PTPRT: variants seen among roughly 807,000 people sequenced by gnomAD.
PTPRT encodes protein tyrosine phosphatase receptor type T, also known as receptor-type tyrosine-protein phosphatase T.
Under a neutral mutation model 176.8 loss-of-function variants are expected in PTPRT, and 56 were observed. That is an observed-to-expected ratio of 0.32 (90% CI 0.26 to 0.40). The LOEUF (loss-of-function observed/expected upper bound fraction) is 0.40, where lower values mean the gene tolerates loss of function less well. PTPRT is among the 10% of genes least tolerant of loss of function. The pLI is 1.00. For missense variants in PTPRT, 1,540 were observed against 1,908.2 expected (o/e 0.81, Z 3.60); for synonymous variants, 783 against 739.0 (o/e 1.06, Z -0.96).
At chr20:42,085,940 T>TC (rs1254156023) in intron 27 of PTPRT, 87 bp from the exon 28 acceptor site, 29 of 1,421,210 alleles carry the variant, frequency 2.0e-5, no homozygotes, top group African/African-American at 1.5e-5. Flanking sequence ...TTTCTTTTCT[T>TC]TTTTTCTTTT....
At chr20:42,816,173 A>G (rs2077781227) in intron 2 of PTPRT, among the ~76,000 whole-genome samples, 1 of 152,160 alleles carries the variant, frequency 6.6e-6, no homozygotes, top group African/African-American at 2.4e-5. Context: ...GTGGCTCTGG[A>G]AGTGAGTAAG....
chr20:42,143,465 G>A lies in PTPRT; in HGVS notation c.2683-1463C>T, dbSNP rs911134719. Among the ~76,000 whole-genome samples the A allele has an allele frequency of 4.7e-4, 71 of 151,768 alleles. 1 individual carries two copies. The highest frequency in any genetic ancestry group is 1.5e-3 in the African/African-American group (61 of 41,274). ...CTAGCTACTTGGGAGGCTGAGGCAG[G>A]AGAATGGCGTGAACCCGGGAAGCGG... is the stretch of plus-strand genomic sequence containing the variant. On this transcript the variant is annotated intron_variant, in intron 17 of 30. Transcript: ENST00000373187.
intron 1 of PTPRT, among the ~76,000 whole-genome samples, chr20:43,005,024 G>A (rs1003674188): frequency 6.6e-6 from 1 of 152,096 alleles, no homozygotes; most frequent in African/African-American, 2.4e-5. Context: ...TCTGATAGCT[G>A]AGGCTGACCG....
At chr20:42,894,818 G>A (rs1416961150) in intron 1 of PTPRT, among the ~76,000 whole-genome samples, 2 of 152,194 alleles carry the variant, frequency 1.3e-5, no homozygotes, top group Non-Finnish European at 2.9e-5. Context: ...TAGGGGGTAG[G>A]CTCTGCCCCT....
At chr20:42,575,133 G>A (rs1259549704) in intron 7 of PTPRT, among the ~76,000 whole-genome samples, 3 of 152,264 alleles carry the variant, frequency 2.0e-5, no homozygotes, top group African/African-American at 4.8e-5. Context: ...GACTGCATCC[G>A]GTTCTGGAGT....
Position 43,078,674 on chromosome 20 carries a change from A to G in PTPRT, c.88+110972T>C, listed in dbSNP as rs552423426. The stretch of plus-strand genomic sequence containing the variant: ...CAAACGCTTTCCACTTAGAGATGAT[A>G]AATACAACATGCCATGGCAGCATAC... On this transcript the variant is annotated intron_variant, in intron 1 of 30. Transcript: ENST00000373187. 1.7e-4 allele frequency among the ~76,000 whole-genome samples: 26 copies of G among 152,344 alleles called. No homozygotes were observed. The South Asian group carries it at 4.6e-3, about 27-fold the overall frequency.
chr20:42,216,074 T>C (rs2055763169), intron 15 of PTPRT, among the ~76,000 whole-genome samples: 1 of 152,072 alleles, frequency 6.6e-6, no homozygotes, highest in African/African-American at 2.4e-5. Flanking sequence ...TGAGGCTTTA[T>C]GGCTATTTCC....
chr20:42,680,344 TC>T (rs1300270827), intron 6 of PTPRT, among the ~76,000 whole-genome samples: 1 of 152,236 alleles, frequency 6.6e-6, no homozygotes, highest in Non-Finnish European at 1.5e-5. Context: ...TAGATGCTTT[TC>T]TTTACAAAGC....
At chr20:42,833,240 C>A (rs555353875) in intron 2 of PTPRT, among the ~76,000 whole-genome samples, 31 of 148,684 alleles carry the variant, frequency 2.1e-4, no homozygotes, top group Non-Finnish European at 4.6e-4. Context: ...AACCTAAAGT[C>A]ATTATGAAAC....
At chr20:42,948,047 A>AGGG (rs1600584278) in intron 1 of PTPRT, among the ~76,000 whole-genome samples, 1 of 152,276 alleles carries the variant, frequency 6.6e-6, no homozygotes, top group East Asian at 1.9e-4. Flanking sequence ...GGTATTTCCA[A>AGGG]TGCTGACCAC....
intron 6 of PTPRT, among the ~76,000 whole-genome samples, chr20:42,702,921 C>T (rs374238071): frequency 6.6e-6 from 1 of 152,178 alleles, no homozygotes; most frequent in African/African-American, 2.4e-5. Flanking sequence ...TCTGGTTAAG[C>T]ACCTTCGCAA....
At chr20:42,252,723 C>T (rs1008838060) in intron 13 of PTPRT, among the ~76,000 whole-genome samples, 5 of 152,132 alleles carry the variant, frequency 3.3e-5, no homozygotes, top group African/African-American at 4.8e-5. Flanking sequence ...GCTTCAGCAA[C>T]GACCATAAAC....
At chr20:42,117,017 A>C (rs992833158) in intron 21 of PTPRT, among the ~76,000 whole-genome samples, 1 of 152,170 alleles carries the variant, frequency 6.6e-6, no homozygotes, top group African/African-American at 2.4e-5. Flanking sequence ...GAGTGACCAC[A>C]AGCACTGGAA....
intron 7 of PTPRT, among the ~76,000 whole-genome samples, chr20:42,643,023 A>C (rs2074798145): frequency 6.6e-6 from 1 of 152,154 alleles, no homozygotes; most frequent in South Asian, 2.1e-4. Flanking sequence ...AGGCTAGCTT[A>C]TTGAATGTCA....
intron 11 of PTPRT, among the ~76,000 whole-genome samples, chr20:42,335,562 T>C (rs546487093): frequency 1.0e-3 from 159 of 152,134 alleles, no homozygotes; most frequent in Non-Finnish European, 1.8e-3. Flanking sequence ...AAGAAGTGAA[T>C]GTTATAAGAA....
chr20:42,238,406 G>A (rs73120459), intron 14 of PTPRT, among the ~76,000 whole-genome samples: 5 of 152,314 alleles, frequency 3.3e-5, no homozygotes, highest in Non-Finnish European at 7.4e-5. Flanking sequence ...CCTAGATGAT[G>A]AGAAGGTGAA....
chr20:42,607,358 T>C (rs923035445), intron 7 of PTPRT: 1 of 152,182 alleles, frequency 6.6e-6, no homozygotes, highest in South Asian at 2.1e-4. Flanking sequence ...ACCTGTATTT[T>C]ACCACAATTT....
chr20:42,324,662 A>G (rs1476859159), intron 11 of PTPRT, among the ~76,000 whole-genome samples: 1 of 152,224 alleles, frequency 6.6e-6, no homozygotes, highest in Non-Finnish European at 1.5e-5. Context: ...ATAGGATAAG[A>G]TGGGCTAAGA....
chr20:42,709,003 G>A (rs2076102941), intron 6 of PTPRT, among the ~76,000 whole-genome samples: 1 of 152,240 alleles, frequency 6.6e-6, no homozygotes, highest in Non-Finnish European at 1.5e-5. Context: ...CCAGGTGGAG[G>A]TGTACAGAGA....
Sources: gnomAD v4.1 joint callset for allele counts (sites outside exome capture counted in the v4.1 genomes callset) on GRCh38, gnomAD v4.1.1 for gene constraint, MANE v1.5 for transcripts, NCBI Gene and HGNC (gene_info 2026-07-23, HGNC 2026-07-21) for gene names.